The following PCDHB14 variants were observed in gnomAD, a reference collection of about 807,000 sequenced individuals.
PCDHB14 encodes the protein protocadherin beta 14.
For missense variants in PCDHB14, 1,129 were observed against 1,000.5 expected (o/e 1.13, Z -1.73); for synonymous variants, 511 against 441.5 (o/e 1.16, Z -1.97).
chr5:141,225,165 G>A lies in PCDHB14; in HGVS notation c.1660G>A (p.Ala554Thr), dbSNP rs781826653. Residue 554 changes from alanine to threonine, a missense_variant, in exon 1 of 1, where the codon GCC (alanine) becomes ACC (threonine). Ala to Thr is a moderately conservative substitution (Grantham distance 58). Transcript: ENST00000239449. ...GCTGGTGCGCGTGCTGGTGCTGGAC[G>A]CCAACGACAACTCGCCCTTCGTGCT... ...EALVRVLVLDANDNSPFVLYP... is the reference protein window; with the variant it reads ...EALVRVLVLDTNDNSPFVLYP... The A allele has an allele frequency of 1.1e-5, 17 of 1,610,992 alleles. No individual in the cohort carries two copies. The highest frequency in any genetic ancestry group is 6.7e-5 in the East Asian group (3 of 44,874).
rs782815559 is a variant in PCDHB14, at chr5:141,224,542, A to C, written c.1037A>C (p.Glu346Ala). Reference protein sequence around the residue: ...KVMDINDNPPEVTISSITKRI... With the variant: ...KVMDINDNPPAVTISSITKRI... ...ATGGATATAAACGACAACCCACCAG[A>C]AGTGACCATATCGTCGATTACAAAG... is the stretch of plus-strand genomic sequence containing the variant. The change falls in exon 1 of 1, where the codon GAA becomes GCA. Residue 346 changes from glutamate (E) to alanine (A), a missense_variant. Coordinates refer to ENST00000239449, the MANE Select transcript of PCDHB14 (RefSeq NM_018934.4). 2.5e-6 allele frequency: 4 copies of C among 1,612,716 alleles called. No individual in the cohort carries two copies. The highest frequency in any genetic ancestry group is 3.4e-6 in the Non-Finnish European group (4 of 1,179,700).
rs1554289535 is a variant in PCDHB14 at position 141,225,576 on chromosome 5, G to A, written c.2071G>A (p.Val691Met). 4.3e-6 allele frequency: 7 copies of A among 1,611,382 alleles called. No homozygotes were observed. Among genetic ancestry groups the A allele is most frequent in the East Asian group, 2.2e-5 (1 of 44,842 alleles). The change falls in exon 1 of 1, where the codon GTG becomes ATG. Residue 691 changes from valine to methionine, a missense_variant. Physicochemically the swap from Val to Met is conservative, Grantham distance 21. Coordinates refer to ENST00000239449, the MANE Select transcript of PCDHB14 (RefSeq NM_018934.4). ...AQADSLTVYL[V>M]VALASVSSLF... ...GGCCGACTCCCTCACCGTCTACCTG[G>A]TGGTGGCATTGGCCTCGGTGTCGTC...
Position 141,227,398 on chromosome 5 carries a change from G to A in PCDHB14, c.*1496G>A, listed in dbSNP as rs555510245. 2 of 152,266 alleles carry A rather than the reference G, an allele frequency of 1.3e-5. No homozygotes were observed. The highest frequency in any genetic ancestry group is 2.1e-4 in the South Asian group (1 of 4,824). The allele number at this position is 152,266 out of a possible 1,614,324, so 9.4% of individuals were successfully genotyped here. On this transcript the variant is annotated 3_prime_UTR_variant, in exon 1 of 1. Coordinates refer to ENST00000239449, the MANE Select transcript of PCDHB14 (RefSeq NM_018934.4). Reference sequence around the variant, plus strand: ...ATGCCTACAAAGAAGGAATGGGTAGGCATTTATGGTTTATAGTTGCCTCAT... The same window carrying A: ...ATGCCTACAAAGAAGGAATGGGTAGACATTTATGGTTTATAGTTGCCTCAT...
chr5:141,224,748 G>T lies in PCDHB14; in HGVS notation c.1243G>T (p.Ala415Ser). The T allele has an allele frequency of 6.2e-7, 1 of 1,614,158 alleles. No individual in the cohort carries two copies. The highest frequency in any genetic ancestry group is 8.5e-7 in the Non-Finnish European group (1 of 1,180,028). ...AAAAGCACTGGACAGAGAGAGCCAA[G>T]CCGAGTACAACATCACGATCACCGT... ...SEKALDRESQ[A>S]EYNITITVTD... The change falls in exon 1 of 1, where the codon GCC (alanine) becomes TCC (serine). Residue 415 changes from alanine (A) to serine (S), a missense_variant. Physicochemically the swap from Ala to Ser is moderately conservative, Grantham distance 99 (BLOSUM62 1). Coordinates refer to ENST00000239449, the MANE Select transcript of PCDHB14 (RefSeq NM_018934.4).
Position 141,225,541 on chromosome 5 carries a change from C to A in PCDHB14, c.2036C>A (p.Ala679Asp). ...PYLPLPEAAP[A>D]QAQADSLTVY... ...CTGCCGCTCCCTGAGGCGGCCCCGG[C>A]CCAGGCCCAGGCCGACTCCCTCACC... Residue 679 changes from alanine (A) to aspartate (D), a missense_variant, in exon 1 of 1, where the codon GCC becomes GAC. Transcript: ENST00000239449. 2 of 1,610,022 alleles carry A rather than the reference C, an allele frequency of 1.2e-6. No homozygotes were observed. Among genetic ancestry groups the A allele is most frequent in the Non-Finnish European group, 1.7e-6 (2 of 1,179,726 alleles).
rs72806804 is a variant in PCDHB14, at chr5:141,226,874, A to G, written c.*972A>G. On this transcript the variant is annotated 3_prime_UTR_variant, in exon 1 of 1. Coordinates refer to ENST00000239449, the MANE Select transcript of PCDHB14 (RefSeq NM_018934.4). The stretch of plus-strand genomic sequence containing the variant: ...GAGACAAAGTCTCACTTTGTTGTCC[A>G]GGCTAGAGAGTAGTGGCAGGATCTT... The G allele has an allele frequency of 0.019, 2,960 of 152,300 alleles. 43 individuals are homozygous for G. The highest frequency in any genetic ancestry group is 0.032 in the Non-Finnish European group (2,199 of 68,074). 9.4% of individuals were successfully genotyped at this position (152,300 alleles called of 1,614,324 possible). A position where few individuals can be genotyped will look rare whatever the true frequency, so the allele number is the denominator to read the frequency against.
At position 141,224,456 on chromosome 5, in the gene PCDHB14, A is replaced by G. The variant is rs1554289175; in HGVS notation, c.951A>G (p.Ile317Met). ...TTGAAGTAATACAGTCCTACACTAT[A>G]AATATTCAGGCAACAGATGGTGGGG... The part of the protein sequence containing the change: ...LDFEVIQSYT[I>M]NIQATDGGGL... The change falls in exon 1 of 1, where the codon ATA becomes ATG. Residue 317 changes from isoleucine to methionine, a missense_variant. Coordinates refer to ENST00000239449, the MANE Select transcript of PCDHB14 (RefSeq NM_018934.4). 1.2e-6 allele frequency: 2 copies of G among 1,611,784 alleles called. No homozygotes were observed.
At position 141,225,672 on chromosome 5, in the gene PCDHB14, G is replaced by C. The variant is rs1554289558; in HGVS notation, c.2167G>C (p.Gly723Arg). The change falls in exon 1 of 1, where the codon GGT becomes CGT. Residue 723 changes from glycine to arginine, a missense_variant. Transcript: ENST00000239449. ...LCRRSRAASV[G>R]RCSVPEGPFP... ...CAGGAGGAGCAGGGCGGCCTCGGTG[G>C]GTCGCTGCTCGGTGCCCGAGGGTCC... 6.2e-7 allele frequency: 1 copy of C among 1,614,052 alleles called. No individual in the cohort carries two copies. Among genetic ancestry groups the C allele is most frequent in the African/African-American group, 1.3e-5 (1 of 75,050 alleles).
Position 141,223,529 on chromosome 5 carries a change from T to G in PCDHB14, c.24T>G (p.Asp8Glu). Residue 8 changes from aspartate (D) to glutamate (E), a missense_variant, in exon 1 of 1, where the codon GAT becomes GAG. Coordinates refer to ENST00000239449, the MANE Select transcript of PCDHB14 (RefSeq NM_018934.4). ...CCATGGAGATCAGAGGGGCACTCGA[T>G]CTGCGAAAAAGGCAAGTTCTAATAT... MEIRGAL[D>E]LRKRQVLIFL... 6.2e-7 allele frequency: 1 copy of G among 1,612,014 alleles called. No homozygotes were observed. Among genetic ancestry groups the G allele is most frequent in the Non-Finnish European group, 8.5e-7 (1 of 1,178,436 alleles).
chr5:141,225,383 C>T lies in PCDHB14; in HGVS notation c.1878C>T (p.Thr626=). Residue 626 remains threonine (T), a synonymous_variant, in exon 1 of 1, where the codon ACC becomes ACT. Transcript: ENST00000239449. The stretch of plus-strand genomic sequence containing the variant: ...GGGCGCACAATGGCGAGGTGCGCAC[C>T]GCCAGGCTGCTGAGCGAGCGCGACG... ...GVWAHNGEVR[T]ARLLSERDAA... The T allele has an allele frequency of 6.2e-7, 1 of 1,603,964 alleles. No homozygotes were observed. The highest frequency in any genetic ancestry group is 1.1e-5 in the South Asian group (1 of 90,910).
rs1754854086 is a variant in PCDHB14 at position 141,226,025 on chromosome 5, T to C, written c.*123T>C. 1.2e-6 allele frequency: 1 copy of C among 855,292 alleles called. No homozygotes were observed. Among genetic ancestry groups the C allele is most frequent in the African/African-American group, 1.7e-5 (1 of 58,598 alleles). 53.0% of individuals were successfully genotyped at this position (855,292 alleles called of 1,614,324 possible). A position where few individuals can be genotyped will look rare whatever the true frequency, so the allele number is the denominator to read the frequency against. On this transcript the variant is annotated 3_prime_UTR_variant, in exon 1 of 1. Transcript: ENST00000239449. ...CATGCATGATTATAGCTCTTGTTTT[T>C]CTCACAGTTTCTTTAAAAATCTTTA...
rs1003739002 is a variant in PCDHB14 at position 141,227,190 on chromosome 5, A to G, written c.*1288A>G. ...TAAATTTTGTGTTGTTTATTACTAA[A>G]GCAGAAAATAATTTAGGGTCTTATC... is the stretch of plus-strand genomic sequence containing the variant. On this transcript the variant is annotated 3_prime_UTR_variant, in exon 1 of 1. Coordinates refer to ENST00000239449, the MANE Select transcript of PCDHB14 (RefSeq NM_018934.4). 7 of 152,234 alleles carry G rather than the reference A, an allele frequency of 4.6e-5. No homozygotes were observed. The highest frequency in any genetic ancestry group is 1.0e-4 in the Non-Finnish European group (7 of 68,048). The allele number at this position is 152,234 out of a possible 1,614,324, so 9.4% of individuals were successfully genotyped here. A position where few individuals can be genotyped will look rare whatever the true frequency, so the allele number is the denominator to read the frequency against.
At position 141,226,212 on chromosome 5, in the gene PCDHB14, G is replaced by T. The variant is rs1316617862; in HGVS notation, c.*310G>T. 3.8e-6 allele frequency: 1 copy of T among 265,884 alleles called. No homozygotes were observed. Among genetic ancestry groups the T allele is most frequent in the Admixed American group, 4.9e-5 (1 of 20,254 alleles). 16.5% of individuals were successfully genotyped at this position (265,884 alleles called of 1,614,324 possible). ...TTGGATATGCAAACTAAAGTATTAA[G>T]AGCTAATGTCATTATATATGTAACT... On this transcript the variant is annotated 3_prime_UTR_variant, in exon 1 of 1. Transcript: ENST00000239449.
chr5:141,225,941 G>T lies in PCDHB14; in HGVS notation c.*39G>T. On this transcript the variant is annotated 3_prime_UTR_variant, in exon 1 of 1. Coordinates refer to ENST00000239449, the MANE Select transcript of PCDHB14 (RefSeq NM_018934.4). ...AAATGTCTAATTTTTGGTTATTCTT[G>T]GCAAGCTGATGGTACTTTTTGCATA... 2 of 1,541,618 alleles carry T rather than the reference G, an allele frequency of 1.3e-6. No individual in the cohort carries two copies. Among genetic ancestry groups the T allele is most frequent in the Non-Finnish European group, 1.8e-6 (2 of 1,134,712 alleles).
rs1754837522 is a variant in PCDHB14 at position 141,225,553 on chromosome 5, C to A, written c.2048C>A (p.Ala683Asp). The A allele has an allele frequency of 1.2e-6, 2 of 1,610,422 alleles. No individual in the cohort carries two copies. The highest frequency in any genetic ancestry group is 1.7e-6 in the Non-Finnish European group (2 of 1,179,802). ...GAGGCGGCCCCGGCCCAGGCCCAGGCCGACTCCCTCACCGTCTACCTGGTG... is the reference window on the plus strand; with the variant it reads ...GAGGCGGCCCCGGCCCAGGCCCAGGACGACTCCCTCACCGTCTACCTGGTG... ...LPEAAPAQAQADSLTVYLVVA... is the reference protein window; with the variant it reads ...LPEAAPAQAQDDSLTVYLVVA... Residue 683 changes from alanine to aspartate, a missense_variant, in exon 1 of 1, where the codon GCC becomes GAC. Physicochemically the swap from Ala to Asp is moderately radical, Grantham distance 126. Coordinates refer to ENST00000239449, the MANE Select transcript of PCDHB14 (RefSeq NM_018934.4).
Position 141,224,698 on chromosome 5 carries a change from A to G in PCDHB14, c.1193A>G (p.Lys398Arg), listed in dbSNP as rs1554289219. The stretch of plus-strand genomic sequence containing the variant: ...CCTTTTTTCCTGAAACCGACCTTCA[A>G]GAACTTTTTCACTCTAGTTTCTGAA... ...NLPFFLKPTF[K>R]NFFTLVSEKA... Residue 398 changes from lysine to arginine, a missense_variant, in exon 1 of 1, where the codon AAG becomes AGG. Coordinates refer to ENST00000239449, the MANE Select transcript of PCDHB14 (RefSeq NM_018934.4). 4 of 1,614,212 alleles carry G rather than the reference A, an allele frequency of 2.5e-6. No homozygotes were observed. In the South Asian group the frequency reaches 4.4e-5, roughly 18 times the overall value.
Position 141,223,598 on chromosome 5 carries a change from A to G in PCDHB14, c.93A>G (p.Ala31=). 6.2e-7 allele frequency: 1 copy of G among 1,614,128 alleles called. No homozygotes were observed. Among genetic ancestry groups the G allele is most frequent in the African/African-American group, 1.3e-5 (1 of 75,060 alleles). ...TGTCTCGGGCAGGTACTGAATCTGC[A>G]CACTATTCTGTGGCAGAGGAAACAG... The part of the protein sequence containing the change: ...LGLSRAGTES[A]HYSVAEETEI... The change falls in exon 1 of 1, where the codon GCA becomes GCG. Residue 31 remains alanine, a synonymous_variant. Coordinates refer to ENST00000239449, the MANE Select transcript of PCDHB14 (RefSeq NM_018934.4).
Position 141,224,481 on chromosome 5 carries a change from G to A in PCDHB14, c.976G>A (p.Gly326Ser), listed in dbSNP as rs1308846681. The A allele has an allele frequency of 1.2e-6, 2 of 1,613,164 alleles. No individual in the cohort carries two copies. The highest frequency in any genetic ancestry group is 1.7e-6 in the Non-Finnish European group (2 of 1,179,772). Residue 326 changes from glycine to serine, a missense_variant, in exon 1 of 1, where the codon GGT (glycine) becomes AGT (serine). Transcript: ENST00000239449. The stretch of plus-strand genomic sequence containing the variant: ...AAATATTCAGGCAACAGATGGTGGG[G>A]GTCTTTCAGGAAAATGCACCCTTCT... The part of the protein sequence containing the change: ...TINIQATDGG[G>S]LSGKCTLLVK...
rs201144437 is a variant in PCDHB14 at position 141,223,463 on chromosome 5, G to T, written c.-43G>T. On this transcript the variant is annotated 5_prime_UTR_variant, in exon 1 of 1. Coordinates refer to ENST00000239449, the MANE Select transcript of PCDHB14 (RefSeq NM_018934.4). ...CCAGAGCTTCAGCTTCCAAAATTAC[G>T]GCTGAGCTTCAGTTTTTCCACAAGA... The T allele has an allele frequency of 2.7e-6, 4 of 1,459,308 alleles. No individual in the cohort carries two copies. The highest frequency in any genetic ancestry group is 2.8e-6 in the Non-Finnish European group (3 of 1,068,992). The allele number at this position is 1,459,308 out of a possible 1,614,324, so 90.4% of individuals were successfully genotyped here. A position where few individuals can be genotyped will look rare whatever the true frequency, so the allele number is the denominator to read the frequency against.
Sources: gnomAD v4.1 joint callset for allele counts on GRCh38, gnomAD v4.1.1 for gene constraint, MANE v1.5 for transcripts, NCBI Gene and HGNC (gene_info 2026-07-23, HGNC 2026-07-21) for gene names.